The following PIK3R4 variants were observed in gnomAD, a reference collection of about 807,000 sequenced individuals.
The protein encoded by PIK3R4 is phosphoinositide-3-kinase regulatory subunit 4, also known as phosphoinositide 3-kinase regulatory subunit 4.
A neutral mutation model predicts 136.5 loss-of-function variants in PIK3R4; 46 were observed. The ratio of observed to expected loss-of-function variants is 0.34; its 90% CI spans 0.27 to 0.43. The LOEUF is 0.43. Ranked by LOEUF, PIK3R4 falls within the 20% of genes least tolerant of loss-of-function variation. PIK3R4 has a pLI of 1.00. For missense variants in PIK3R4, 1,331 were observed against 1,649.5 expected (o/e 0.81, Z 3.35); for synonymous variants, 557 against 566.7 (o/e 0.98, Z 0.24).
chr3:130,713,352 G>A (rs544096421), intron 9 of PIK3R4, among the ~76,000 whole-genome samples: 1 of 152,300 alleles, frequency 6.6e-6, no homozygotes, highest in East Asian at 1.9e-4. Flanking sequence ...AGACAAATGA[G>A]GGGATCACTG....
chr3:130,681,073 G>A lies in PIK3R4; in HGVS notation c.3709-8C>T. The stretch of plus-strand genomic sequence containing the variant: ...GACGCTATGAGGAGAAGGCTTAAAA[G>A]AAATAGATGTGGAGTCAAATAAAAG... On this transcript the variant is annotated splice_region_variant and splice_polypyrimidine_tract_variant and intron_variant, in intron 17 of 19. Coordinates refer to ENST00000356763, the MANE Select transcript of PIK3R4 (RefSeq NM_014602.3). 6.8e-7 allele frequency: 1 copy of A among 1,460,030 alleles called. No homozygotes were observed. Among genetic ancestry groups the A allele is most frequent in the South Asian group, 1.1e-5 (1 of 87,966 alleles). The allele number at this position is 1,460,030 out of a possible 1,614,324, so 90.4% of individuals were successfully genotyped here. A position where few individuals can be genotyped will look rare whatever the true frequency, so the allele number is the denominator to read the frequency against.
chr3:130,745,671 T>C (rs1011255906), intron 1 of PIK3R4, among the ~76,000 whole-genome samples: 70 of 152,330 alleles, frequency 4.6e-4, no homozygotes, highest in African/African-American at 1.6e-3. Flanking sequence ...AGTTACCATA[T>C]GACATAGTTC....
intron 9 of PIK3R4, among the ~76,000 whole-genome samples, chr3:130,715,182 G>A (rs143543994): frequency 0.035 from 5,223 of 147,872 alleles, 332 homozygotes; most frequent in African/African-American, 0.12. Context: ...GGAGTGCAGC[G>A]GTGCGATCTT....
At position 130,709,514 on chromosome 3, in the gene PIK3R4, T is replaced by C. The variant is rs142259345; in HGVS notation, c.2332-1022A>G. Among the ~76,000 whole-genome samples, 1,400 of 152,186 alleles carry C rather than the reference T, an allele frequency of 9.2e-3. 29 individuals are homozygous for C. Among genetic ancestry groups the C allele is most frequent in the African/African-American group, 0.031 (1,287 of 41,532 alleles). Reference sequence around the variant, plus strand: ...GAAATAAAATTGCATTAAAGTACAATAATAATAGACATATTCTTGACTAAA... The same window carrying C: ...GAAATAAAATTGCATTAAAGTACAACAATAATAGACATATTCTTGACTAAA... On this transcript the variant is annotated intron_variant, in intron 9 of 19. Transcript: ENST00000356763.
chr3:130,681,088 T>G (rs1231533719), intron 17 of PIK3R4, 23 bp from the exon 18 acceptor site: 1 of 1,292,744 alleles, frequency 7.7e-7, no homozygotes, highest in South Asian at 1.2e-5. Context: ...AGATGTGGAG[T>G]CAAATAAAAG....
chr3:130,681,727 C>A, intron 16 of PIK3R4, 136 bp from the exon 17 acceptor site: 1 of 579,940 alleles, frequency 1.7e-6, no homozygotes. Context: ...ATATAATATT[C>A]ACTTAATAAT....
At chr3:130,684,445 A>G (rs921118153) in intron 15 of PIK3R4, 64 bp from the exon 16 acceptor site, 2 of 1,416,906 alleles carry the variant, frequency 1.4e-6, no homozygotes, top group Non-Finnish European at 2.0e-6. Context: ...CTGCATTTAT[A>G]CAAATGAAAA....
chr3:130,737,396 A>C (rs1451594059), intron 2 of PIK3R4, among the ~76,000 whole-genome samples: 1 of 152,228 alleles, frequency 6.6e-6, no homozygotes, highest in Non-Finnish European at 1.5e-5. Context: ...ACGGTGGCTC[A>C]TGCCTGTAAT....
chr3:130,705,615 T>C lies in PIK3R4; in HGVS notation c.2878A>G (p.Ile960Val). The C allele has an allele frequency of 6.2e-7, 1 of 1,613,782 alleles. No individual in the cohort carries two copies. The highest frequency in any genetic ancestry group is 8.5e-7 in the Non-Finnish European group (1 of 1,179,660). Reference protein sequence around the residue: ...QKREQCNAERIAKQMMENAEW... With the variant: ...QKREQCNAERVAKQMMENAEW... ...GCATTTTCCATCATCTGCTTAGCTA[T>C]TCTCTCAGCATTGCACTGCTCCCGC... Residue 960 changes from isoleucine to valine, a missense_variant, in exon 12 of 20, where the codon ATA becomes GTA. Coordinates refer to ENST00000356763, the MANE Select transcript of PIK3R4 (RefSeq NM_014602.3).
rs556410535 is a variant in PIK3R4 at position 130,679,653 on chromosome 3, G to T, written c.3907-168C>A. Reference sequence around the variant, plus strand: ...GCAAAAGGAGTAGAGGAGCCAAAATGACATTCTAGGGTCCTAGTCATTGGA... The same window carrying T: ...GCAAAAGGAGTAGAGGAGCCAAAATTACATTCTAGGGTCCTAGTCATTGGA... On this transcript the variant is annotated intron_variant, in intron 19 of 19. Coordinates refer to ENST00000356763, the MANE Select transcript of PIK3R4 (RefSeq NM_014602.3). Among the ~76,000 whole-genome samples the T allele has an allele frequency of 2.0e-5, 3 of 152,272 alleles. No individual in the cohort carries two copies. The South Asian group carries it at 6.2e-4, about 32-fold the overall frequency.
Position 130,705,679 on chromosome 3 carries a change from T to G in PIK3R4, c.2814A>C (p.Thr938=). 1 of 1,612,820 alleles carries G rather than the reference T, an allele frequency of 6.2e-7. No homozygotes were observed. Among genetic ancestry groups the G allele is most frequent in the Non-Finnish European group, 8.5e-7 (1 of 1,178,796 alleles). Residue 938 remains threonine, a synonymous_variant, in exon 12 of 20, where the codon ACA becomes ACC. Transcript: ENST00000356763. ...ILPSTYQIRI[T]TCKTELQQLI... ...GTTGCTGAAGTTCAGTTTTACAAGT[T>G]GTAATTCGAATCTGATAGGTGGATG...
At chr3:130,744,435 A>G (rs2066841695) in intron 2 of PIK3R4, 51 bp downstream of exon 2, 2 of 1,525,574 alleles carry the variant, frequency 1.3e-6, no homozygotes, top group Non-Finnish European at 1.8e-6. Flanking sequence ...TCTGTTTAAC[A>G]GTTAAAAGAA....
intron 18 of PIK3R4, 117 bp downstream of exon 18, chr3:130,680,860 C>T (rs1576448530): frequency 1.3e-6 from 1 of 758,148 alleles, no homozygotes; most frequent in East Asian, 2.6e-5. Context: ...CCATTGGTTA[C>T]AAATAAAGTA....
rs141021890 is a variant in PIK3R4 at position 130,740,487 on chromosome 3, A to G, written c.733+3999T>C. ...CACAGTGGCTCATACCTGTAATCCC[A>G]GCACTCAGGGAGGCCAAGGGGGCGC... is the stretch of plus-strand genomic sequence containing the variant. On this transcript the variant is annotated intron_variant, in intron 2 of 19. Transcript: ENST00000356763. 9.0e-3 allele frequency among the ~76,000 whole-genome samples: 1,367 copies of G among 152,326 alleles called. 19 individuals carry two copies. Among genetic ancestry groups the G allele is most frequent in the East Asian group, 0.053 (273 of 5,182 alleles).
At chr3:130,699,975 C>G (rs1357015646) in intron 13 of PIK3R4, among the ~76,000 whole-genome samples, 1 of 152,182 alleles carries the variant, frequency 6.6e-6, no homozygotes, top group Admixed American at 6.5e-5. Flanking sequence ...CCAGAGGGCA[C>G]TATATGAGAG....
At position 130,728,686 on chromosome 3, in the gene PIK3R4, TAAAAAAA is replaced by T. The variant is rs5852606; in HGVS notation, c.1586-9_1586-3del. 9.7e-7 allele frequency: 1 copy of T among 1,027,378 alleles called. No homozygotes were observed. The highest frequency in any genetic ancestry group is 1.3e-6 in the Non-Finnish European group (1 of 770,266). 63.6% of individuals were successfully genotyped at this position (1,027,378 alleles called of 1,614,324 possible). A position where few individuals can be genotyped will look rare whatever the true frequency, so the allele number is the denominator to read the frequency against. On this transcript the variant is annotated splice_polypyrimidine_tract_variant and splice_region_variant and intron_variant, in intron 5 of 19. Coordinates refer to ENST00000356763, the MANE Select transcript of PIK3R4 (RefSeq NM_014602.3). ...CCATTTCATGTAAGGCTTGGAGCTC[TAAAAAAA>T]AAAAAAAAAGAAAGAAAGAAAGAAA...
intron 4 of PIK3R4, 67 bp downstream of exon 4, chr3:130,733,481 A>G: frequency 1.0e-6 from 1 of 985,600 alleles, no homozygotes; most frequent in Non-Finnish European, 1.5e-6. Flanking sequence ...TCAGAAAAAC[A>G]AGCAGTATTA....
chr3:130,727,017 GA>G (rs1177704104), intron 6 of PIK3R4, among the ~76,000 whole-genome samples: 1 of 151,972 alleles, frequency 6.6e-6, no homozygotes, highest in Non-Finnish European at 1.5e-5. Context: ...TGTCTGAAAA[GA>G]AAAAAACAGG....
intron 9 of PIK3R4, among the ~76,000 whole-genome samples, chr3:130,712,522 G>T (rs979856143): frequency 1.3e-5 from 2 of 151,992 alleles, no homozygotes; most frequent in South Asian, 2.1e-4. Flanking sequence ...TACAAAAGTA[G>T]CCAGGCCTGG....
Sources: allele counts gnomAD v4.1 joint callset (sites outside exome capture counted in the v4.1 genomes callset), GRCh38; gene constraint gnomAD v4.1.1; transcripts MANE v1.5; gene names NCBI Gene and HGNC (gene_info 2026-07-23, HGNC 2026-07-21).